Variants in ASTN2 observed in about 807,000 individuals in gnomAD.
ASTN2 encodes astrotactin 2.
Under a neutral mutation model 139.8 loss-of-function variants are expected in ASTN2, and 54 were observed. That is an observed-to-expected ratio of 0.39 (90% CI 0.31 to 0.48). ASTN2 has a LOEUF of 0.48. Ranked by LOEUF, ASTN2 falls within the 20% of genes least tolerant of loss-of-function variation. The pLI, the probability that ASTN2 is intolerant of heterozygous loss-of-function variation, is 0.95. For missense variants in ASTN2, 1,565 were observed against 1,725.1 expected (o/e 0.91, Z 1.64); for synonymous variants, 756 against 719.5 (o/e 1.05, Z -0.81).
intron 5 of ASTN2, among the ~76,000 whole-genome samples, chr9:117,041,655 G>A (rs947590976): frequency 2.0e-5 from 3 of 152,122 alleles, no homozygotes; most frequent in African/African-American, 7.2e-5. Flanking sequence ...TACAGCATCT[G>A]GTTGCAGGAT....
At chr9:117,163,710 A>G (rs989151015) in intron 3 of ASTN2, among the ~76,000 whole-genome samples, 8 of 152,104 alleles carry the variant, frequency 5.3e-5, no homozygotes, top group African/African-American at 1.2e-4. Flanking sequence ...TATACAATTT[A>G]TGAGTCTAAA....
intron 2 of ASTN2, among the ~76,000 whole-genome samples, chr9:117,284,042 A>G (rs1463404379): frequency 6.6e-6 from 1 of 152,176 alleles, no homozygotes; most frequent in African/African-American, 2.4e-5. Context: ...TCCAAAAGCA[A>G]TATGTTAAGC....
At chr9:117,106,152 T>G (rs569035690) in intron 4 of ASTN2, among the ~76,000 whole-genome samples, 1 of 152,352 alleles carries the variant, frequency 6.6e-6, no homozygotes, top group Admixed American at 6.5e-5. Context: ...CTTCCCTTTA[T>G]GATGGTCCTC....
chr9:116,944,206 C>A (rs1835316770), intron 10 of ASTN2, among the ~76,000 whole-genome samples: 1 of 151,970 alleles, frequency 6.6e-6, no homozygotes, highest in Admixed American at 6.6e-5. Flanking sequence ...GGTAGCAGAG[C>A]TCAAATTTAA....
At chr9:116,983,952 C>T (rs1269306801) in intron 7 of ASTN2, among the ~76,000 whole-genome samples, 1 of 152,044 alleles carries the variant, frequency 6.6e-6, no homozygotes, top group Non-Finnish European at 1.5e-5. Context: ...AAGATGCTTA[C>T]TTATAGTTGT....
chr9:116,957,415 G>A (rs1835742971), intron 10 of ASTN2, among the ~76,000 whole-genome samples: 1 of 152,126 alleles, frequency 6.6e-6, no homozygotes, highest in African/African-American at 2.4e-5. Context: ...GACATCAGGA[G>A]GTTGCTATTA....
rs375402365 is a variant in ASTN2, at chr9:117,314,547, C to CATATT, written c.443-23039_443-23035dup. ...TAAACCAAGTAGGGTTATATATTAT[C>CATATT]ATATTATATTATATTATATATCATA... On this transcript the variant is annotated intron_variant, in intron 1 of 22. Transcript: ENST00000313400. 6.7e-5 allele frequency among the ~76,000 whole-genome samples: 10 copies of CATATT among 148,466 alleles called. No individual in the cohort carries two copies. The East Asian group carries it at 7.8e-4, about 12-fold the overall frequency.
At chr9:117,066,321 A>C (rs1416426099) in intron 5 of ASTN2, among the ~76,000 whole-genome samples, 1 of 147,886 alleles carries the variant, frequency 6.8e-6, no homozygotes, top group Non-Finnish European at 1.5e-5. Context: ...TTCCAATTTC[A>C]TACATGTCCC....
At chr9:117,119,589 G>A (rs912815516) in intron 4 of ASTN2, among the ~76,000 whole-genome samples, 3 of 152,198 alleles carry the variant, frequency 2.0e-5, no homozygotes, top group African/African-American at 7.2e-5. Context: ...CACATGCAAT[G>A]ATTGGGAGCT....
At chr9:117,183,024 T>G (rs528962409) in intron 3 of ASTN2, among the ~76,000 whole-genome samples, 1 of 152,374 alleles carries the variant, frequency 6.6e-6, no homozygotes, top group African/African-American at 2.4e-5. Context: ...TACATACCCT[T>G]CTAATTCCAG....
At chr9:116,933,979 C>CTTTTTTTTTTTTTTTTTTTCT (rs1834988490) in intron 10 of ASTN2, among the ~76,000 whole-genome samples, 1 of 86,910 alleles carries the variant, frequency 1.2e-5, no homozygotes, top group Non-Finnish European at 2.2e-5. Flanking sequence ...AGTGTTAGTC[C>CTTTTTTTTTTTTTTTTTTTCT]TTTTTTTTTT....
chr9:116,853,897 A>G (rs994775097), intron 11 of ASTN2, among the ~76,000 whole-genome samples: 9 of 152,226 alleles, frequency 5.9e-5, no homozygotes, highest in Admixed American at 3.9e-4. Context: ...TCAGAGCAGC[A>G]CGGTTTATAA....
intron 6 of ASTN2, among the ~76,000 whole-genome samples, chr9:117,029,878 A>T (rs192109204): frequency 6.6e-6 from 1 of 152,192 alleles, no homozygotes; most frequent in African/African-American, 2.4e-5. Flanking sequence ...GGTTTTCTTT[A>T]TACATATTAA....
At position 117,313,775 on chromosome 9, in the gene ASTN2, G is replaced by GTGAAATTCTGCTCC. The variant is rs1828049959; in HGVS notation, c.443-22263_443-22262insGGAGCAGAATTTCA. Among the ~76,000 whole-genome samples, 6 of 152,302 alleles carry GTGAAATTCTGCTCC rather than the reference G, an allele frequency of 3.9e-5. No homozygotes were observed. The South Asian group carries it at 8.3e-4, about 21-fold the overall frequency. ...ATGTGAATAGATGGTTTAGGACACA[G>GTGAAATTCTGCTCC]TCCTGCATGTGCAAGGAGGAGCAGA... On this transcript the variant is annotated intron_variant, in intron 1 of 22. Coordinates refer to ENST00000313400, the MANE Select transcript of ASTN2 (RefSeq NM_001365068.1).
At chr9:116,483,314 C>T (rs1849232741) in intron 20 of ASTN2, among the ~76,000 whole-genome samples, 1 of 152,228 alleles carries the variant, frequency 6.6e-6, no homozygotes, top group Non-Finnish European at 1.5e-5. Flanking sequence ...TGTTTTGTTA[C>T]ACCAGGGTGA....
chr9:116,900,571 G>GA (rs1833983256), intron 10 of ASTN2, among the ~76,000 whole-genome samples: 1 of 152,162 alleles, frequency 6.6e-6, no homozygotes, highest in African/African-American at 2.4e-5. Flanking sequence ...AAGTCAGAGA[G>GA]AAAAAATAGA....
chr9:116,836,053 C>G (rs917464157), intron 11 of ASTN2, among the ~76,000 whole-genome samples: 1 of 152,148 alleles, frequency 6.6e-6, no homozygotes, highest in Non-Finnish European at 1.5e-5. Context: ...AGTCCCAGTT[C>G]CCCATGTGGC....
At chr9:116,815,158 G>T (rs1448463522) in intron 12 of ASTN2, among the ~76,000 whole-genome samples, 4 of 152,112 alleles carry the variant, frequency 2.6e-5, no homozygotes, top group Non-Finnish European at 4.4e-5. Context: ...CAAAATGAAG[G>T]CCATTGTCTC....
At chr9:117,261,370 G>A (rs901674208) in intron 2 of ASTN2, among the ~76,000 whole-genome samples, 1 of 152,138 alleles carries the variant, frequency 6.6e-6, no homozygotes, top group African/African-American at 2.4e-5. Context: ...AAATGCTTTA[G>A]GTGTTGCATA....
Sources: allele counts gnomAD v4.1 joint callset (sites outside exome capture counted in the v4.1 genomes callset), GRCh38; gene constraint gnomAD v4.1.1; transcripts MANE v1.5; gene names NCBI Gene and HGNC (gene_info 2026-07-23, HGNC 2026-07-21).